The following COL6A5 variants were observed in gnomAD, a reference collection of about 807,000 sequenced individuals.
The protein encoded by COL6A5 is collagen type VI alpha 5 chain.
COL6A5 carries 48 observed loss-of-function variants against 65.6 expected under a neutral mutation model. That is an observed-to-expected ratio of 0.73 (90% CI 0.58 to 0.93). The LOEUF (loss-of-function observed/expected upper bound fraction) is 0.93, where lower values mean the gene tolerates loss of function less well. COL6A5 is among the 40% of genes least tolerant of loss of function. The pLI is 0.00. For missense variants in COL6A5, 914 were observed against 928.3 expected, an observed-to-expected ratio of 0.98 and a Z score of 0.20; for synonymous variants, 291 against 322.8, an observed-to-expected ratio of 0.90 and a Z score of 1.05.
At position 130,439,615 on chromosome 3, in the gene COL6A5, G is replaced by T. The variant is rs775479308; in HGVS notation, c.583G>T (p.Asp195Tyr). 1.2e-5 allele frequency: 19 copies of T among 1,548,610 alleles called. No homozygotes were observed. In the South Asian group the frequency reaches 1.7e-4, roughly 14 times the overall value. ...ACTTCGGCGCTGTGCACTTTGCTAT[G>T]GTAAGACCAATGAAGAGAATTGACT... The change falls in exon 2 of 8, where the codon GAT becomes TAT. Residue 195 changes from aspartate (D) to tyrosine (Y), a missense_variant and splice_region_variant. Transcript: ENST00000512836.
At chr3:130,359,008 G>C (rs1935018507) in intron 1 of COL6A5, among the ~76,000 whole-genome samples, 1 of 152,130 alleles carries the variant, frequency 6.6e-6, no homozygotes, top group African/African-American at 2.4e-5. Flanking sequence ...AGATACAAGA[G>C]TGATATTAAA....
chr3:130,423,814 G>A (rs1937556652), intron 28 of COL6A5, 24 bp from the exon 29 acceptor site: 5 of 1,532,068 alleles, frequency 3.3e-6, no homozygotes, highest in Non-Finnish European at 4.4e-6. Context: ...TGAAACTAAT[G>A]TATTAATATA....
chr3:130,394,629 C>T (rs1055031468), intron 7 of COL6A5, among the ~76,000 whole-genome samples: 1 of 152,108 alleles, frequency 6.6e-6, no homozygotes, highest in Non-Finnish European at 1.5e-5. Context: ...AAACTTCTTA[C>T]TTTCTTTCTC....
intron 5 of COL6A5, among the ~76,000 whole-genome samples, chr3:130,465,989 C>A (rs1295212318): frequency 6.6e-6 from 1 of 151,764 alleles, no homozygotes; most frequent in East Asian, 1.9e-4. Flanking sequence ...AATAGAAATT[C>A]TCCAAAATGA....
At chr3:130,445,483 G>A (rs554128011) in intron 4 of COL6A5, among the ~76,000 whole-genome samples, 11 of 152,320 alleles carry the variant, frequency 7.2e-5, no homozygotes, top group African/African-American at 2.6e-4. Context: ...TATGGGAACA[G>A]TCAGGTTGGA....
At chr3:130,416,776 G>T (rs1440200748) in exon 24 of COL6A5, 1 of 1,535,332 alleles carries the variant, frequency 6.5e-7, no homozygotes, top group East Asian at 2.5e-5. Context: ...GGGCTAATGG[G>T]AGCTAAAGGG....
chr3:130,376,733 C>T, exon 3 of COL6A5: 1 of 1,613,706 alleles, frequency 6.2e-7, no homozygotes, highest in African/African-American at 1.3e-5. Context: ...TCCATTTCAA[C>T]CTTCGGACAA....
At chr3:130,362,094 G>A (rs1311616461) in intron 1 of COL6A5, among the ~76,000 whole-genome samples, 1 of 151,104 alleles carries the variant, frequency 6.6e-6, no homozygotes, top group Non-Finnish European at 1.5e-5. Context: ...TTTTTTTCAT[G>A]GATCTTGTCT....
chr3:130,441,218 G>A (rs1022164201), intron 3 of COL6A5, among the ~76,000 whole-genome samples: 1 of 152,140 alleles, frequency 6.6e-6, no homozygotes, highest in Admixed American at 6.5e-5. Flanking sequence ...ACCTGTGTGA[G>A]GATGTGAAGA....
chr3:130,415,649 C>T, exon 23 of COL6A5: 1 of 1,547,954 alleles, frequency 6.5e-7, no homozygotes, highest in Non-Finnish European at 8.7e-7. Context: ...CTAAAGGGGT[C>T]ACAGGGAAAT....
In COL6A5 at chr3:130,380,065, A is replaced by C; in HGVS notation, c.1300+15A>C. 6.9e-7 allele frequency: 1 copy of C among 1,459,634 alleles called. No individual in the cohort carries two copies. Among genetic ancestry groups the C allele is most frequent in the Non-Finnish European group, 9.1e-7 (1 of 1,093,832 alleles). The allele number at this position is 1,459,634 out of a possible 1,614,324, so 90.4% of individuals were successfully genotyped here. A position where few individuals can be genotyped will look rare whatever the true frequency, so the allele number is the denominator to read the frequency against. ...TGATAAAACTGGTATGTTTTTTAAA[A>C]TACTTTTCTAATTATAAAATTAATA... On this transcript the variant is annotated intron_variant and NMD_transcript_variant, in intron 4 of 41. Transcript: ENST00000312481.
At chr3:130,432,540 A>T (rs1413957525) in intron 1 of COL6A5, among the ~76,000 whole-genome samples, 1 of 119,146 alleles carries the variant, frequency 8.4e-6, no homozygotes, top group Non-Finnish European at 1.9e-5. Flanking sequence ...ACAGAGAAAG[A>T]CTCTGTCAAA....
intron 3 of COL6A5, among the ~76,000 whole-genome samples, chr3:130,378,459 A>G (rs1935867315): frequency 6.6e-6 from 1 of 152,158 alleles, no homozygotes; most frequent in Non-Finnish European, 1.5e-5. Context: ...TACTTGTCCA[A>G]GAATCATTAT....
chr3:130,446,368 A>C (rs1317826561), intron 4 of COL6A5, among the ~76,000 whole-genome samples: 7 of 152,182 alleles, frequency 4.6e-5, no homozygotes, highest in Non-Finnish European at 8.8e-5. Flanking sequence ...GAAACTGGTG[A>C]GACAGAAAGT....
intron 7 of COL6A5, among the ~76,000 whole-genome samples, chr3:130,474,380 AAT>A (rs1165326031): frequency 6.6e-6 from 1 of 152,100 alleles, no homozygotes; most frequent in Admixed American, 6.6e-5. Flanking sequence ...TAAACAACAT[AAT>A]ATTCAAAATG....
At chr3:130,427,049 GT>G (rs1937619292), upstream of COL6A5, among the ~76,000 whole-genome samples, 2 of 152,140 alleles carry the variant, frequency 1.3e-5, no homozygotes, top group Admixed American at 1.3e-4. Context: ...CATTTAGACT[GT>G]TTACACTTAT....
intron 4 of COL6A5, among the ~76,000 whole-genome samples, chr3:130,444,852 T>C (rs1176058392): frequency 6.6e-6 from 1 of 152,208 alleles, no homozygotes; most frequent in Non-Finnish European, 1.5e-5. Context: ...TTATGTCCAA[T>C]GATAAGTTAT....
chr3:130,451,067 A>G (rs571427131), intron 4 of COL6A5, among the ~76,000 whole-genome samples: 76 of 152,312 alleles, frequency 5.0e-4, no homozygotes, highest in African/African-American at 1.8e-3. Flanking sequence ...TTGTAAAACC[A>G]TCTTAACATA....
At chr3:130,361,970 C>T (rs1397109560) in intron 1 of COL6A5, among the ~76,000 whole-genome samples, 2 of 151,908 alleles carry the variant, frequency 1.3e-5, no homozygotes, top group Non-Finnish European at 2.9e-5. Context: ...TTGGATATGT[C>T]TTTTGCAAAC....
Sources: gnomAD v4.1 joint callset for allele counts (sites outside exome capture counted in the v4.1 genomes callset) on GRCh38, gnomAD v4.1.1 for gene constraint, MANE v1.5 for transcripts, NCBI Gene and HGNC (gene_info 2026-07-23, HGNC 2026-07-21) for gene names.